The following DYM variants were observed in gnomAD, a reference collection of about 807,000 sequenced individuals.
The protein encoded by DYM is dymeclin, also known as dyggve-Melchior-Clausen syndrome protein.
A neutral mutation model predicts 93.1 loss-of-function variants in DYM; 78 were observed. That is an observed-to-expected ratio of 0.84 (90% CI 0.70 to 1.01). The LOEUF (loss-of-function observed/expected upper bound fraction) is 1.01. DYM is among the 50% of genes least tolerant of loss of function. The pLI is 0.00. For synonymous variants in DYM, 321 were observed against 319.7 expected, an observed-to-expected ratio of 1.00 and a Z score of -0.04; for missense variants, 789 against 845.0, an observed-to-expected ratio of 0.93 and a Z score of 0.82.
At chr18:49,438,634 C>G (rs956046825) in intron 1 of DYM, among the ~76,000 whole-genome samples, 15 of 152,132 alleles carry the variant, frequency 9.9e-5, no homozygotes, top group Admixed American at 6.5e-4. Flanking sequence ...GCAGACACCC[C>G]TGCCTAAGCC....
chr18:49,376,206 T>C (rs76856822), intron 5 of DYM, among the ~76,000 whole-genome samples: 1,966 of 152,254 alleles, frequency 0.013, 23 homozygotes, highest in South Asian at 0.042. Flanking sequence ...ACAATAACTT[T>C]CAAAGAAAAG....
chr18:49,243,902 T>G (rs772520079), intron 13 of DYM, among the ~76,000 whole-genome samples: 3 of 152,164 alleles, frequency 2.0e-5, no homozygotes, highest in Non-Finnish European at 4.4e-5. Context: ...TTTCCAGGAC[T>G]AATGGGTCCA....
At chr18:49,351,000 T>A (rs1017720666) in intron 6 of DYM, among the ~76,000 whole-genome samples, 1 of 151,928 alleles carries the variant, frequency 6.6e-6, no homozygotes, top group Non-Finnish European at 1.5e-5. Context: ...ATAAGAGAGG[T>A]TAAATCTACA....
chr18:49,058,481 G>A (rs2075691778), intron 17 of DYM, among the ~76,000 whole-genome samples: 1 of 151,936 alleles, frequency 6.6e-6, no homozygotes, highest in Admixed American at 6.6e-5. Context: ...CACCATGCCT[G>A]GCAAATTTTT....
At chr18:49,408,632 T>C (rs1417393423) in intron 2 of DYM, among the ~76,000 whole-genome samples, 1 of 152,212 alleles carries the variant, frequency 6.6e-6, no homozygotes, top group Non-Finnish European at 1.5e-5. Flanking sequence ...AAGTATGTGA[T>C]GATAGTAAGC....
At chr18:49,442,034 A>G (rs1014396704) in intron 1 of DYM, among the ~76,000 whole-genome samples, 2 of 152,206 alleles carry the variant, frequency 1.3e-5, no homozygotes, top group Non-Finnish European at 2.9e-5. Context: ...TCCTCTCAAG[A>G]GAAACTGAAT....
At chr18:49,128,352 A>T (rs2083036227) in intron 15 of DYM, among the ~76,000 whole-genome samples, 1 of 152,336 alleles carries the variant, frequency 6.6e-6, no homozygotes, top group East Asian at 1.9e-4. Context: ...CTTAAGTATT[A>T]GTGTTCATTT....
chr18:49,114,447 G>T (rs970298265), intron 16 of DYM: 1 of 611,572 alleles, frequency 1.6e-6, no homozygotes, highest in Non-Finnish European at 2.0e-6. Context: ...GTGAGCACTG[G>T]GTATAAGTCC....
In DYM at chr18:49,068,177, G is replaced by C. The variant is rs555726139; in HGVS notation, c.2026-23973C>G. 1.5e-3 allele frequency among the ~76,000 whole-genome samples: 229 copies of C among 152,286 alleles called. 1 individual carries two copies. The highest frequency in any genetic ancestry group is 5.1e-3 in the African/African-American group (210 of 41,544). On this transcript the variant is annotated intron_variant, in intron 17 of 17. Transcript: ENST00000675505. The stretch of plus-strand genomic sequence containing the variant: ...AGTTACAGTGTCCCTTGAATGCAGA[G>C]AAAAGCCATGTGTAGTACAAAGGGA...
intron 2 of DYM, among the ~76,000 whole-genome samples, chr18:49,408,318 C>T (rs2071765527): frequency 6.6e-6 from 1 of 152,156 alleles, no homozygotes; most frequent in African/African-American, 2.4e-5. Context: ...TGTAGCCGAT[C>T]TTACTGGTGG....
chr18:49,067,356 G>A, intron 17 of DYM, among the ~76,000 whole-genome samples: 1 of 151,960 alleles, frequency 6.6e-6, no homozygotes, highest in African/African-American at 2.4e-5. Flanking sequence ...AGGGGAAGGA[G>A]TGGGGTGATG....
chr18:49,217,405 G>A (rs376988260), intron 13 of DYM, among the ~76,000 whole-genome samples: 12 of 151,962 alleles, frequency 7.9e-5, no homozygotes, highest in African/African-American at 1.9e-4. Flanking sequence ...TACAGAGAAC[G>A]CCACAAAGAT....
intron 15 of DYM, among the ~76,000 whole-genome samples, chr18:49,150,319 AC>A (rs937457858): frequency 6.6e-6 from 1 of 151,858 alleles, no homozygotes; most frequent in Non-Finnish European, 1.5e-5. Flanking sequence ...TGAAGGCCTA[AC>A]CCCCCAGTGT....
At chr18:49,218,191 A>G (rs1309116623) in intron 13 of DYM, among the ~76,000 whole-genome samples, 1 of 152,238 alleles carries the variant, frequency 6.6e-6, no homozygotes, top group Non-Finnish European at 1.5e-5. Context: ...GATCAATTCA[A>G]CAAGAAGAGC....
intron 8 of DYM, among the ~76,000 whole-genome samples, chr18:49,296,282 T>G (rs926396914): frequency 2.6e-5 from 4 of 152,198 alleles, no homozygotes; most frequent in Admixed American, 6.5e-5. Flanking sequence ...TGATGATCAG[T>G]TAATTTCTTC....
At chr18:49,129,681 G>C (rs1030706417) in intron 15 of DYM, among the ~76,000 whole-genome samples, 4 of 152,176 alleles carry the variant, frequency 2.6e-5, no homozygotes, top group Non-Finnish European at 5.9e-5. Flanking sequence ...GAGAAAGGCT[G>C]GTATGGAGCA....
At position 49,099,666 on chromosome 18, in the gene DYM, T is replaced by C. The variant is rs117667680; in HGVS notation, c.1912-2151A>G. 3.0e-4 allele frequency among the ~76,000 whole-genome samples: 46 copies of C among 152,228 alleles called. No individual in the cohort carries two copies. In the East Asian group the frequency reaches 8.5e-3, roughly 28 times the overall value. On this transcript the variant is annotated intron_variant, in intron 16 of 17. Coordinates refer to ENST00000675505, the MANE Select transcript of DYM (RefSeq NM_001353214.3). ...GTACTCATTAAAATGTCATTGAAAA[T>C]AATCTGGGTAATTACAGATTACTAA...
In DYM at chr18:49,043,403, T is replaced by C. The variant is rs1176002069; in HGVS notation, c.*652A>G. On this transcript the variant is annotated 3_prime_UTR_variant, in exon 18 of 18. Transcript: ENST00000675505. ...ACTTGGCTCCCCAAAGTGCTGGGAT[T>C]ACAAATGTGAGCCACTGTATCTGGC... 1.3e-5 allele frequency: 2 copies of C among 152,340 alleles called. No homozygotes were observed. The highest frequency in any genetic ancestry group is 2.9e-5 in the Non-Finnish European group (2 of 68,134). The allele number at this position is 152,340 out of a possible 1,614,324, so 9.4% of individuals were successfully genotyped here.
At chr18:49,413,461 A>ATCTTT (rs71863058) in intron 2 of DYM, among the ~76,000 whole-genome samples, 13,850 of 152,172 alleles carry the variant, frequency 0.091, 832 homozygotes, top group East Asian at 0.31. Flanking sequence ...TATTATCATT[A>ATCTTT]TATCATTTTA....
Sources: gnomAD v4.1 joint callset for allele counts (sites outside exome capture counted in the v4.1 genomes callset) on GRCh38, gnomAD v4.1.1 for gene constraint, MANE v1.5 for transcripts, NCBI Gene and HGNC (gene_info 2026-07-23, HGNC 2026-07-21) for gene names.